CBLL2: variants seen among roughly 807,000 people sequenced by gnomAD.
CBLL2 encodes Cbl proto-oncogene like 2.
For missense variants in CBLL2, 347 were observed against 343.2 expected (o/e 1.01, Z -0.09); for synonymous variants, 123 against 124.9 (o/e 0.98, Z 0.10).
At position 22,273,318 on chromosome X, in the gene CBLL2, TTC is replaced by T; in HGVS notation, c.329_330del (p.Ser110CysfsTer5). 8.3e-7 allele frequency: 1 copy of T among 1,211,763 alleles called. No individual in the cohort carries two copies. Reference sequence around the variant, plus strand: ...TGAGAATTGAGGCGCATAAACGAGGTTCTGTCTTCATGTGTAGTATTGTTCAG... The same window carrying T: ...TGAGAATTGAGGCGCATAAACGAGGTTGTCTTCATGTGTAGTATTGTTCAG... ...VLRIEAHKRG[S>X]VFMCSIVQQC... On this transcript the variant is annotated frameshift_variant, in exon 1 of 1. Transcript: ENST00000323684. LOFTEE classifies it low-confidence loss of function (END_TRUNC).
Position 22,273,796 on chromosome X carries a change from G to A in CBLL2, c.805G>A (p.Val269Ile), listed in dbSNP as rs1936791107. 8.3e-7 allele frequency: 1 copy of A among 1,208,977 alleles called. No homozygotes were observed. Among genetic ancestry groups the A allele is most frequent in the South Asian group, 1.8e-5 (1 of 56,700 alleles). Residue 269 changes from valine (V) to isoleucine (I), a missense_variant, in exon 1 of 1, where the codon GTA (valine) becomes ATA (isoleucine). Transcript: ENST00000323684. ...TCCTGAGTGTCAAAGTCAACCAGCG[G>A]TATCGTCCCCTCATCATATTATACC... ...YYPECQSQPA[V>I]SSPHHIIPQK...
Position 22,274,446 on chromosome X carries a change from T to A in CBLL2, c.*177T>A. On this transcript the variant is annotated 3_prime_UTR_variant, in exon 1 of 1. Coordinates refer to ENST00000323684, the MANE Select transcript of CBLL2 (RefSeq NM_152577.4). ...ACGATTTCCTGAAATAAATATGCAA[T>A]GTTACATTTTCAAAAGTATTGTGGT... is the stretch of plus-strand genomic sequence containing the variant. The A allele has an allele frequency of 2.5e-6, 1 of 394,976 alleles. No individual in the cohort carries two copies. Among genetic ancestry groups the A allele is most frequent in the Non-Finnish European group, 4.4e-6 (1 of 229,638 alleles). The allele number at this position is 394,976 out of a possible 1,213,427, so 32.6% of individuals were successfully genotyped here.
In CBLL2 at chrX:22,273,089, T is replaced by A. The variant is rs138176282; in HGVS notation, c.98T>A (p.Ile33Asn). ...GVKLVRKKKKIPGYRWGDIKI... is the reference protein window; with the variant it reads ...GVKLVRKKKKNPGYRWGDIKI... ...AAACTGGTGAGAAAAAAGAAAAAAA[T>A]TCCTGGTTACCGTTGGGGGGACATT... The change falls in exon 1 of 1, where the codon ATT (isoleucine) becomes AAT (asparagine). Residue 33 changes from isoleucine (I) to asparagine (N), a missense_variant. Ile to Asn is a moderately radical substitution (Grantham distance 149). Transcript: ENST00000323684. 6.2e-4 allele frequency: 748 copies of A among 1,207,981 alleles called. 3 individuals carry two copies. In the African/African-American group the frequency reaches 0.011, roughly 17 times the overall value.
At position 22,273,468 on chromosome X, in the gene CBLL2, G is replaced by T. The variant is rs144357703; in HGVS notation, c.477G>T (p.Pro159=). ...SLEKVRPHIA[P]PQTEISDIPK... ...AAAAAGTTCGTCCTCATATTGCTCC[G>T]CCACAAACTGAAATCTCTGACATCC... The change falls in exon 1 of 1, where the codon CCG becomes CCT. Residue 159 remains proline (P), a synonymous_variant. Coordinates refer to ENST00000323684, the MANE Select transcript of CBLL2 (RefSeq NM_152577.4). 8.3e-7 allele frequency: 1 copy of T among 1,211,281 alleles called. No individual in the cohort carries two copies. Among genetic ancestry groups the T allele is most frequent in the South Asian group, 1.8e-5 (1 of 56,952 alleles).
chrX:22,273,460 A>G lies in CBLL2; in HGVS notation c.469A>G (p.Ile157Val), dbSNP rs1478948486. 8.3e-7 allele frequency: 1 copy of G among 1,209,613 alleles called. No homozygotes were observed. The highest frequency in any genetic ancestry group is 2.2e-5 in the Admixed American group (1 of 45,733). The change falls in exon 1 of 1, where the codon ATT (isoleucine) becomes GTT (valine). Residue 157 changes from isoleucine (I) to valine (V), a missense_variant. Physicochemically the swap from Ile to Val is conservative, Grantham distance 29. Transcript: ENST00000323684. ...SASLEKVRPHIAPPQTEISDI... is the reference protein window; with the variant it reads ...SASLEKVRPHVAPPQTEISDI... ...TTCGCTTGAAAAAGTTCGTCCTCATATTGCTCCGCCACAAACTGAAATCTC... is the reference window on the plus strand; with the variant it reads ...TTCGCTTGAAAAAGTTCGTCCTCATGTTGCTCCGCCACAAACTGAAATCTC...
chrX:22,273,063 T>C lies in CBLL2; in HGVS notation c.72T>C (p.Val24=), dbSNP rs752756344. ...NKEGKYYSKG[V]KLVRKKKKIP... is the part of the protein sequence containing the mutation. ...AAGGGAAGTACTACTCTAAAGGAGT[T>C]AAACTGGTGAGAAAAAAGAAAAAAA... Residue 24 remains valine (V), a synonymous_variant, in exon 1 of 1, where the codon GTT becomes GTC. Transcript: ENST00000323684. The C allele has an allele frequency of 8.3e-7, 1 of 1,209,227 alleles. No individual in the cohort carries two copies. The highest frequency in any genetic ancestry group is 2.2e-5 in the Admixed American group (1 of 45,811).
Position 22,273,652 on chromosome X carries a change from T to C in CBLL2, c.661T>C (p.Phe221Leu). The C allele has an allele frequency of 8.3e-7, 1 of 1,211,783 alleles. No individual in the cohort carries two copies. The highest frequency in any genetic ancestry group is 1.1e-6 in the Non-Finnish European group (1 of 895,542). ...PPPELSLSLP[F>L]PIQWETVSIF... ...CCCAGAACTATCTCTAAGTCTGCCT[T>C]TTCCCATCCAGTGGGAAACCGTTAG... The change falls in exon 1 of 1, where the codon TTT becomes CTT. Residue 221 changes from phenylalanine (F) to leucine (L), a missense_variant. Coordinates refer to ENST00000323684, the MANE Select transcript of CBLL2 (RefSeq NM_152577.4).
rs1278984934 is a variant in CBLL2, at chrX:22,274,400, T to A, written c.*131T>A. 9 of 540,224 alleles carry A rather than the reference T, an allele frequency of 1.7e-5. No individual in the cohort carries two copies. In the South Asian group the frequency reaches 4.1e-4, roughly 25 times the overall value. The allele number at this position is 540,224 out of a possible 1,213,427, so 44.5% of individuals were successfully genotyped here. A position where few individuals can be genotyped will look rare whatever the true frequency, so the allele number is the denominator to read the frequency against. ...AACTTTGTTCCTCTGGTGTGGTAAA[T>A]TGACCTAAAGGTGACCTCTGACGAT... is the stretch of plus-strand genomic sequence containing the variant. On this transcript the variant is annotated 3_prime_UTR_variant, in exon 1 of 1. Coordinates refer to ENST00000323684, the MANE Select transcript of CBLL2 (RefSeq NM_152577.4).
In CBLL2 at chrX:22,273,001, A is replaced by T; in HGVS notation, c.10A>T (p.Met4Leu). 1 of 1,179,348 alleles carries T rather than the reference A, an allele frequency of 8.5e-7. No individual in the cohort carries two copies. Among genetic ancestry groups the T allele is most frequent in the Non-Finnish European group, 1.1e-6 (1 of 881,587 alleles). The change falls in exon 1 of 1, where the codon ATG becomes TTG. Residue 4 changes from methionine to leucine, a missense_variant. Physicochemically the swap from Met to Leu is conservative, Grantham distance 15. Coordinates refer to ENST00000323684, the MANE Select transcript of CBLL2 (RefSeq NM_152577.4). ...CTGAACTCCAAGGAATATGAACAAGATGCCTGCTGGTGAACAAGAATGTGA... is the reference window on the plus strand; with the variant it reads ...CTGAACTCCAAGGAATATGAACAAGTTGCCTGCTGGTGAACAAGAATGTGA... MNK[M>L]PAGEQECEYN...
rs773397514 is a variant in CBLL2 at position 22,273,060 on chromosome X, A to AGTT, written c.70_72dup (p.Val24dup). On this transcript the variant is annotated inframe_insertion, in exon 1 of 1. Transcript: ENST00000323684. Reference sequence around the variant, plus strand: ...AAGAAGGGAAGTACTACTCTAAAGGAGTTAAACTGGTGAGAAAAAAGAAAA... The same window carrying AGTT: ...AAGAAGGGAAGTACTACTCTAAAGGAGTTGTTAAACTGGTGAGAAAAAAGAAAA... The AGTT allele has an allele frequency of 2.2e-5, 26 of 1,209,001 alleles. No individual in the cohort carries two copies. Among genetic ancestry groups the AGTT allele is most frequent in the Non-Finnish European group, 2.9e-5 (26 of 893,761 alleles).
Position 22,274,183 on chromosome X carries a change from C to T in CBLL2, c.1192C>T (p.Pro398Ser). 8.3e-7 allele frequency: 1 copy of T among 1,211,934 alleles called. No individual in the cohort carries two copies. The highest frequency in any genetic ancestry group is 1.1e-6 in the Non-Finnish European group (1 of 895,494). ...GTGGCCTGCATGGAAACGACTGTCA[C>T]CTTGTCCACCAACGCGGAGTCCACC... ...RRWPAWKRLS[P>S]CPPTRSPPPS... The change falls in exon 1 of 1, where the codon CCT becomes TCT. Residue 398 changes from proline (P) to serine (S), a missense_variant. By Grantham distance (74) the Pro-to-Ser change is moderately conservative (BLOSUM62 -1). Transcript: ENST00000323684.
At position 22,273,456 on chromosome X, in the gene CBLL2, T is replaced by C; in HGVS notation, c.465T>C (p.Pro155=). ...VTSASLEKVR[P]HIAPPQTEIS... is the part of the protein sequence containing the mutation. Reference sequence around the variant, plus strand: ...GCGCTTCGCTTGAAAAAGTTCGTCCTCATATTGCTCCGCCACAAACTGAAA... The same window carrying C: ...GCGCTTCGCTTGAAAAAGTTCGTCCCCATATTGCTCCGCCACAAACTGAAA... Residue 155 remains proline (P), a synonymous_variant, in exon 1 of 1, where the codon CCT becomes CCC. Transcript: ENST00000323684. 8.3e-7 allele frequency: 1 copy of C among 1,211,609 alleles called. No individual in the cohort carries two copies. Among genetic ancestry groups the C allele is most frequent in the Non-Finnish European group, 1.1e-6 (1 of 895,517 alleles).
Position 22,274,042 on chromosome X carries a change from T to G in CBLL2, c.1051T>G (p.Ser351Ala). The change falls in exon 1 of 1, where the codon TCT becomes GCT. Residue 351 changes from serine (S) to alanine (A), a missense_variant. Coordinates refer to ENST00000323684, the MANE Select transcript of CBLL2 (RefSeq NM_152577.4). ...TCCCCAGTCTCAAAATGGTAATCCA[T>G]CTGCAAGTGAATTTGCTTCTCACCA... ...RAPQSQNGNP[S>A]ASEFASHHYN... The G allele has an allele frequency of 5.8e-6, 7 of 1,211,532 alleles. No homozygotes were observed. The highest frequency in any genetic ancestry group is 7.8e-6 in the Non-Finnish European group (7 of 895,328).
Position 22,273,994 on chromosome X carries a change from A to G in CBLL2, c.1003A>G (p.Met335Val), listed in dbSNP as rs1569106674. The change falls in exon 1 of 1, where the codon ATG (methionine) becomes GTG (valine). Residue 335 changes from methionine to valine, a missense_variant. Met to Val is a conservative substitution (Grantham distance 21, BLOSUM62 1). Transcript: ENST00000323684. ...GYIIVKVPPD[M>V]NSPPLRAPQS... ...TATTATTGTAAAGGTGCCACCTGAT[A>G]TGAATTCTCCTCCACTACGTGCTCC... The G allele has an allele frequency of 9.9e-6, 12 of 1,209,862 alleles. No homozygotes were observed. Among genetic ancestry groups the G allele is most frequent in the Non-Finnish European group, 1.3e-5 (12 of 895,310 alleles).
Position 22,274,001 on chromosome X carries a change from C to T in CBLL2, c.1010C>T (p.Ser337Phe). 1 of 1,211,698 alleles carries T rather than the reference C, an allele frequency of 8.3e-7. No homozygotes were observed. The highest frequency in any genetic ancestry group is 1.1e-6 in the Non-Finnish European group (1 of 895,482). Residue 337 changes from serine (S) to phenylalanine (F), a missense_variant, in exon 1 of 1, where the codon TCT (serine) becomes TTT (phenylalanine). By Grantham distance (155) the Ser-to-Phe change is radical (BLOSUM62 -2). Transcript: ENST00000323684. ...IIVKVPPDMN[S>F]PPLRAPQSQN... ...GTAAAGGTGCCACCTGATATGAATT[C>T]TCCTCCACTACGTGCTCCCCAGTCT...
chrX:22,273,103 TG>T lies in CBLL2; in HGVS notation c.118del (p.Asp40ThrfsTer4), dbSNP rs760806744. On this transcript the variant is annotated frameshift_variant, in exon 1 of 1. Coordinates refer to ENST00000323684, the MANE Select transcript of CBLL2 (RefSeq NM_152577.4). LOFTEE classifies it low-confidence loss of function (END_TRUNC). Reference sequence around the variant, plus strand: ...AAAGAAAAAAATTCCTGGTTACCGTTGGGGGGACATTAAGATAAACATCATA... The same window carrying T: ...AAAGAAAAAAATTCCTGGTTACCGTTGGGGGACATTAAGATAAACATCATA... ...RKKKKIPGYRWGDIKINIIGE... is the reference protein window; with the variant it reads ...RKKKKIPGYRXGDIKINIIGE... 2 of 1,210,600 alleles carry T rather than the reference TG, an allele frequency of 1.7e-6. No individual in the cohort carries two copies. The highest frequency in any genetic ancestry group is 5.9e-5 in the East Asian group (2 of 33,822).
chrX:22,273,401 G>T lies in CBLL2; in HGVS notation c.410G>T (p.Arg137Leu). 1.7e-6 allele frequency: 2 copies of T among 1,211,343 alleles called. No homozygotes were observed. Among genetic ancestry groups the T allele is most frequent in the Non-Finnish European group, 2.2e-6 (2 of 895,476 alleles). ...QKSLQAHIKR[R>L]HKRARKQVTS... ...AGCTTACAGGCTCATATCAAACGCC[G>T]CCATAAGAGAGCTCGAAAACAAGTT... Residue 137 changes from arginine (R) to leucine (L), a missense_variant, in exon 1 of 1, where the codon CGC becomes CTC. Physicochemically the swap from Arg to Leu is moderately radical, Grantham distance 102. Transcript: ENST00000323684.
In CBLL2 at chrX:22,273,625, C is replaced by A. The variant is rs1936788023; in HGVS notation, c.634C>A (p.Pro212Thr). The change falls in exon 1 of 1, where the codon CCC (proline) becomes ACC (threonine). Residue 212 changes from proline (P) to threonine (T), a missense_variant. By Grantham distance (38) the Pro-to-Thr change is conservative (BLOSUM62 -1). Transcript: ENST00000323684. The stretch of plus-strand genomic sequence containing the variant: ...GCCACATAAGGATATCCAGGCTCCT[C>A]CCCCAGAACTATCTCTAAGTCTGCC... ...NQPHKDIQAP[P>T]PELSLSLPFP... is the part of the protein sequence containing the mutation. 4.1e-6 allele frequency: 5 copies of A among 1,209,405 alleles called. No individual in the cohort carries two copies. Among genetic ancestry groups the A allele is most frequent in the Non-Finnish European group, 5.6e-6 (5 of 895,155 alleles).
Position 22,274,029 on chromosome X carries a change from A to G in CBLL2, c.1038A>G (p.Gln346=). Residue 346 remains glutamine, a synonymous_variant, in exon 1 of 1, where the codon CAA becomes CAG. Coordinates refer to ENST00000323684, the MANE Select transcript of CBLL2 (RefSeq NM_152577.4). ...NSPPLRAPQS[Q]NGNPSASEFA... ...CTCCACTACGTGCTCCCCAGTCTCA[A>G]AATGGTAATCCATCTGCAAGTGAAT... 1 of 1,211,631 alleles carries G rather than the reference A, an allele frequency of 8.3e-7. No individual in the cohort carries two copies. The highest frequency in any genetic ancestry group is 1.1e-6 in the Non-Finnish European group (1 of 895,401).
Sources: allele counts gnomAD v4.1 joint callset, GRCh38; gene constraint gnomAD v4.1.1; transcripts MANE v1.5; gene names NCBI Gene and HGNC (gene_info 2026-07-23, HGNC 2026-07-21).